MSMB: variants seen among roughly 807,000 people sequenced by gnomAD.
MSMB encodes the protein microseminoprotein beta.
A neutral mutation model predicts 10.5 loss-of-function variants in MSMB; 10 were observed. That is an observed-to-expected ratio of 0.95 (90% CI 0.59 to 1.62). The LOEUF is 1.62. Ranked by LOEUF, MSMB falls within the 40% of genes most tolerant of loss-of-function variation. The probability of loss-of-function intolerance (pLI) is 0.00; values close to 1 mark genes in which losing one functional copy is unlikely to be tolerated. For missense variants in MSMB, 126 were observed against 137.4 expected, an observed-to-expected ratio of 0.92 and a Z score of 0.42; for synonymous variants, 43 against 46.5, an observed-to-expected ratio of 0.93 and a Z score of 0.30.
At chr10:46,043,673 CTGTT>C (rs1379997100) in intron 1 of MSMB, among the ~76,000 whole-genome samples, 9 of 151,792 alleles carry the variant, frequency 5.9e-5, no homozygotes, top group South Asian at 2.1e-4. Context: ...TTTTGTTTGT[CTGTT>C]TGTTTGTTTC....
At chr10:46,044,059 T>C (rs959822303) in intron 1 of MSMB, among the ~76,000 whole-genome samples, 28 of 152,192 alleles carry the variant, frequency 1.8e-4, no homozygotes, top group African/African-American at 6.8e-4. Context: ...CCCACGCTGC[T>C]GGTCTGAGGT....
chr10:46,041,303 C>A (rs1840744631), intron 1 of MSMB, among the ~76,000 whole-genome samples: 1 of 147,948 alleles, frequency 6.8e-6, no homozygotes. Flanking sequence ...CAAGATTGTG[C>A]CACCGCACTC....
intron 1 of MSMB, among the ~76,000 whole-genome samples, chr10:46,044,643 T>C (rs968246968): frequency 1.3e-4 from 19 of 145,550 alleles, no homozygotes; most frequent in Non-Finnish European, 2.1e-4. Flanking sequence ...CTGGAAGGGT[T>C]ATCCCATGAT....
chr10:46,033,543 G>A lies in MSMB; in HGVS notation c.224C>T (p.Thr75Ile). The A allele has an allele frequency of 6.2e-7, 1 of 1,613,534 alleles. No homozygotes were observed. The highest frequency in any genetic ancestry group is 8.5e-7 in the Non-Finnish European group (1 of 1,179,482). The change falls in exon 4 of 4, where the codon ACA becomes ATA. Residue 75 changes from threonine (T) to isoleucine (I), a missense_variant. Coordinates refer to ENST00000582163, the MANE Select transcript of MSMB (RefSeq NM_002443.4). ...TEISCCTLVS[T>I]PVGYDKDNCQ... ...GTTGTCTTTGTCATAACCCACAGGT[G>A]TAGAAACACTGTCATTGAGACAAAA...
At chr10:46,036,586 A>G (rs1201745534) in intron 3 of MSMB, among the ~76,000 whole-genome samples, 2 of 152,260 alleles carry the variant, frequency 1.3e-5, no homozygotes, top group Non-Finnish European at 2.9e-5. Flanking sequence ...CCACATAATT[A>G]TAATGTGAGG....
chr10:46,040,966 A>T (rs1387673231), intron 1 of MSMB, among the ~76,000 whole-genome samples: 3 of 151,736 alleles, frequency 2.0e-5, no homozygotes, highest in Non-Finnish European at 4.4e-5. Flanking sequence ...AAAAAAAAAA[A>T]GCCAAACTTC....
chr10:46,042,049 T>C (rs1158209158), intron 1 of MSMB, among the ~76,000 whole-genome samples: 2 of 152,098 alleles, frequency 1.3e-5, no homozygotes, highest in Non-Finnish European at 2.9e-5. Context: ...AAATAAATTC[T>C]AAAAGGATTC....
At chr10:46,044,905 G>A (rs10821609) in intron 1 of MSMB, among the ~76,000 whole-genome samples, 14,870 of 152,296 alleles carry the variant, frequency 0.098, 760 homozygotes, top group East Asian at 0.15. Context: ...CTGTGAGGCT[G>A]CATAGAGTAT....
At chr10:46,037,804 T>C (rs890193916) in intron 3 of MSMB, among the ~76,000 whole-genome samples, 2 of 152,180 alleles carry the variant, frequency 1.3e-5, no homozygotes, top group African/African-American at 4.8e-5. Flanking sequence ...CCATCTGGAA[T>C]AAAGCTACTT....
At chr10:46,044,404 G>C (rs1244020916) in intron 1 of MSMB, among the ~76,000 whole-genome samples, 1 of 150,226 alleles carries the variant, frequency 6.7e-6, no homozygotes, top group Non-Finnish European at 1.5e-5. Context: ...GTGAAACCCC[G>C]TCTCTACTAA....
At chr10:46,044,937 T>A (rs1393407864) in intron 1 of MSMB, among the ~76,000 whole-genome samples, 1 of 152,174 alleles carries the variant, frequency 6.6e-6, no homozygotes, top group Non-Finnish European at 1.5e-5. Context: ...GCCTGTCTAG[T>A]GGAGATGGGG....
At chr10:46,034,510 CAT>C (rs1554927285) in intron 3 of MSMB, among the ~76,000 whole-genome samples, 1 of 151,340 alleles carries the variant, frequency 6.6e-6, no homozygotes, top group East Asian at 2.0e-4. Context: ...AAAGAAAAAA[CAT>C]ATAGAAAAGA....
At chr10:46,039,168 C>A in intron 2 of MSMB, 97 bp from the exon 3 acceptor site, 2 of 1,015,622 alleles carry the variant, frequency 2.0e-6, no homozygotes, top group South Asian at 2.7e-5. Context: ...ACACCCCTCC[C>A]AGAGAGAGAG....
chr10:46,037,176 C>G lies in MSMB; in HGVS notation c.215+1790G>C, dbSNP rs534050404. ...TAAGTCAAGTGCTTGCTTCTTTACT[C>G]GCAGTGTCCTCATAAGACTCTCGAG... On this transcript the variant is annotated intron_variant, in intron 3 of 3. Coordinates refer to ENST00000582163, the MANE Select transcript of MSMB (RefSeq NM_002443.4). Among the ~76,000 whole-genome samples, 39 of 152,316 alleles carry G rather than the reference C, an allele frequency of 2.6e-4. No homozygotes were observed. The South Asian group carries it at 6.2e-3, about 24-fold the overall frequency.
chr10:46,044,305 G>A (rs113581022), intron 1 of MSMB, among the ~76,000 whole-genome samples: 8 of 151,876 alleles, frequency 5.3e-5, no homozygotes, highest in Middle Eastern at 3.2e-3. Context: ...GGCTGGGCGC[G>A]GTGGCTCACG....
intron 3 of MSMB, among the ~76,000 whole-genome samples, chr10:46,034,908 G>A (rs1840565816): frequency 6.6e-6 from 1 of 152,008 alleles, no homozygotes. Context: ...TGGGGCTGAG[G>A]TGAGACAACA....
At chr10:46,035,151 T>G (rs929534770) in intron 3 of MSMB, among the ~76,000 whole-genome samples, 1 of 152,224 alleles carries the variant, frequency 6.6e-6, no homozygotes, top group African/African-American at 2.4e-5. Flanking sequence ...TTTCATGTTT[T>G]TCATGTTTAA....
At chr10:46,041,892 G>A (rs1840762327) in intron 1 of MSMB, among the ~76,000 whole-genome samples, 1 of 151,126 alleles carries the variant, frequency 6.6e-6, no homozygotes, top group Admixed American at 6.6e-5. Context: ...AACCCAGAAA[G>A]TATAAATATA....
intron 3 of MSMB, among the ~76,000 whole-genome samples, chr10:46,036,533 G>A (rs782597153): frequency 3.5e-4 from 54 of 152,144 alleles, no homozygotes; most frequent in Admixed American, 6.5e-4. Context: ...AGTGTTTGTT[G>A]GGTTAAAGAA....
Sources: gnomAD v4.1 joint callset for allele counts (sites outside exome capture counted in the v4.1 genomes callset) on GRCh38, gnomAD v4.1.1 for gene constraint, MANE v1.5 for transcripts, NCBI Gene and HGNC (gene_info 2026-07-23, HGNC 2026-07-21) for gene names.